The following CYFIP2 variants were observed in gnomAD, a reference collection of about 807,000 sequenced individuals.
CYFIP2 encodes cytoplasmic FMR1-interacting protein 2.
Under a neutral mutation model 158.7 loss-of-function variants are expected in CYFIP2, and 29 were observed. The observed-to-expected ratio is 0.18, with a 90% CI of 0.14 to 0.25. The LOEUF (loss-of-function observed/expected upper bound fraction) is 0.25. CYFIP2 is among the 10% of genes least tolerant of loss of function. CYFIP2 has a pLI of 1.00. For missense variants in CYFIP2, 852 were observed against 1,639.5 expected, an observed-to-expected ratio of 0.52 and a Z score of 8.29; for synonymous variants, 585 against 617.6, an observed-to-expected ratio of 0.95 and a Z score of 0.78.
At position 157,382,626 on chromosome 5, in the gene CYFIP2, C is replaced by G. The variant is rs1766241208; in HGVS notation, c.3076C>G (p.Pro1026Ala). Residue 1026 changes from proline (P) to alanine (A), a missense_variant, in exon 27 of 31, where the codon CCC (proline) becomes GCC (alanine). This residue lies in a region of CYFIP2 where 223 missense variants were observed against 381.6 expected (regional missense o/e 0.58). Transcript: ENST00000620254. ...EEVCDLLHAA[P>A]FQNILPRVYI... ...GGTCTGCGATTTGCTCCATGCCGCA[C>G]CCTTCCAAAACATCTTGCCTAGAGT... 6.2e-7 allele frequency: 1 copy of G among 1,613,906 alleles called. No homozygotes were observed. Among genetic ancestry groups the G allele is most frequent in the Non-Finnish European group, 8.5e-7 (1 of 1,179,896 alleles).
chr5:157,385,964 T>C (rs1766640688), intron 28 of CYFIP2, among the ~76,000 whole-genome samples: 1 of 151,906 alleles, frequency 6.6e-6, no homozygotes, highest in Non-Finnish European at 1.5e-5. Flanking sequence ...CCTCCCTACA[T>C]AACACCAAAC....
At chr5:157,319,565 A>G (rs1360904730) in intron 13 of CYFIP2, among the ~76,000 whole-genome samples, 197 bp from the exon 14 acceptor site, 3 of 152,268 alleles carry the variant, frequency 2.0e-5, no homozygotes, top group African/African-American at 4.8e-5. Flanking sequence ...GACTTTCTCA[A>G]TGAATGAAGC....
At chr5:157,280,331 G>A (rs1012315194) in intron 1 of CYFIP2, among the ~76,000 whole-genome samples, 2 of 151,112 alleles carry the variant, frequency 1.3e-5, no homozygotes, top group African/African-American at 4.9e-5. Context: ...TGAGTAGCTG[G>A]GATTACAGGC....
chr5:157,334,070 G>A (rs1434921751), intron 21 of CYFIP2, among the ~76,000 whole-genome samples: 1 of 152,202 alleles, frequency 6.6e-6, no homozygotes, highest in East Asian at 1.9e-4. Context: ...GCCTTCAAAA[G>A]CGAATGAACA....
chr5:157,362,424 A>G (rs967945978), intron 26 of CYFIP2, among the ~76,000 whole-genome samples: 1 of 152,192 alleles, frequency 6.6e-6, no homozygotes, highest in African/African-American at 2.4e-5. Flanking sequence ...ACATCCCATG[A>G]TTCTAGCTTC....
chr5:157,280,097 T>C (rs147866566), intron 1 of CYFIP2, among the ~76,000 whole-genome samples: 96 of 152,348 alleles, frequency 6.3e-4, no homozygotes, highest in Middle Eastern at 3.4e-3. Flanking sequence ...TTTATTTGCT[T>C]TGTAGGTTGT....
intron 1 of CYFIP2, among the ~76,000 whole-genome samples, chr5:157,274,786 T>C (rs62383004): frequency 0.1 from 15,315 of 152,232 alleles, 1,042 homozygotes; most frequent in East Asian, 0.24. Flanking sequence ...GTGGTATCGA[T>C]TTGCATTTCC....
At chr5:157,305,979 T>G (rs1252580786) in intron 8 of CYFIP2, among the ~76,000 whole-genome samples, 3 of 152,244 alleles carry the variant, frequency 2.0e-5, no homozygotes, top group African/African-American at 7.2e-5. Context: ...TAAGCCTTCC[T>G]TAGCCATTAT....
Position 157,319,833 on chromosome 5 carries a change from G to T in CYFIP2, c.1428G>T (p.Arg476Ser), listed in dbSNP as rs1322132941. 1 of 1,613,984 alleles carries T rather than the reference G, an allele frequency of 6.2e-7. No homozygotes were observed. Among genetic ancestry groups the T allele is most frequent in the Admixed American group, 1.7e-5 (1 of 60,000 alleles). The change falls in exon 14 of 31, where the codon AGG (arginine) becomes AGT (serine). Residue 476 changes from arginine to serine, a missense_variant. Transcript: ENST00000620254. Reference sequence around the variant, plus strand: ...AGAGCGTCTTCAACCAGGCCATCAGGAACACCATCTACGCGGCATTGCAGG... The same window carrying T: ...AGAGCGTCTTCAACCAGGCCATCAGTAACACCATCTACGCGGCATTGCAGG... ...RMESVFNQAI[R>S]NTIYAALQDF...
At chr5:157,381,703 C>T (rs940861971) in intron 26 of CYFIP2, among the ~76,000 whole-genome samples, 1 of 152,194 alleles carries the variant, frequency 6.6e-6, no homozygotes, top group Non-Finnish European at 1.5e-5. Flanking sequence ...TCTTGAACAG[C>T]TGGCCTTTCA....
rs956163727 is a variant in CYFIP2 at position 157,386,856 on chromosome 5, G to T, written c.3208-2333G>T. On this transcript the variant is annotated intron_variant, in intron 28 of 30. Transcript: ENST00000620254. Reference sequence around the variant, plus strand: ...AATGGCTCGAACCCGGGAGGTGGAGGTTGCAGTAAGCCGAGATTGCGCCAC... The same window carrying T: ...AATGGCTCGAACCCGGGAGGTGGAGTTTGCAGTAAGCCGAGATTGCGCCAC... Among the ~76,000 whole-genome samples, 5 of 151,362 alleles carry T rather than the reference G, an allele frequency of 3.3e-5. No homozygotes were observed. In the East Asian group the frequency reaches 7.8e-4, roughly 24 times the overall value.
At chr5:157,327,574 A>G (rs1397680885) in intron 18 of CYFIP2, among the ~76,000 whole-genome samples, 1 of 149,278 alleles carries the variant, frequency 6.7e-6, no homozygotes, top group Non-Finnish European at 1.5e-5. Flanking sequence ...CAAAAAAAAA[A>G]AAAATTGCAA....
intron 1 of CYFIP2, among the ~76,000 whole-genome samples, chr5:157,272,130 G>A (rs1756151317): frequency 6.6e-6 from 1 of 152,216 alleles, no homozygotes; most frequent in African/African-American, 2.4e-5. Flanking sequence ...AAGTCCTTTA[G>A]CCCCCACCAA....
rs1760954788 is a variant in CYFIP2, at chr5:157,325,516, C to T, written c.1860C>T (p.Leu620=). 1 of 1,613,516 alleles carries T rather than the reference C, an allele frequency of 6.2e-7. No homozygotes were observed. The highest frequency in any genetic ancestry group is 8.5e-7 in the Non-Finnish European group (1 of 1,179,688). ...AGCAGTGTTGTGACCTCTCCCAGCT[C>T]TGGTTCCGAGAATTCTTCCTGGAGT... ...ALQQCCDLSQ[L]WFREFFLELT... is the part of the protein sequence containing the mutation. Residue 620 remains leucine, a synonymous_variant, in exon 17 of 31, where the codon CTC becomes CTT. Transcript: ENST00000620254.
At chr5:157,312,322 A>G (rs1020539430) in intron 11 of CYFIP2, among the ~76,000 whole-genome samples, 34 of 152,010 alleles carry the variant, frequency 2.2e-4, no homozygotes, top group African/African-American at 7.7e-4. Context: ...TTCCTTTTTT[A>G]AAAACTTTTT....
At chr5:157,362,201 T>G (rs10053959) in intron 26 of CYFIP2, among the ~76,000 whole-genome samples, 71,408 of 152,002 alleles carry the variant, frequency 0.47, 18,513 homozygotes, top group African/African-American at 0.71. Flanking sequence ...AAAAGAATGT[T>G]AGCTCCAGCT....
chr5:157,298,008 T>G lies in CYFIP2; in HGVS notation c.387+1234T>G, dbSNP rs554062700. Among the ~76,000 whole-genome samples the G allele has an allele frequency of 4.6e-5, 7 of 152,334 alleles. No homozygotes were observed. The South Asian group carries it at 1.5e-3, about 32-fold the overall frequency. On this transcript the variant is annotated intron_variant, in intron 5 of 30. Coordinates refer to ENST00000620254, the MANE Select transcript of CYFIP2 (RefSeq NM_001037333.3). Reference sequence around the variant, plus strand: ...TCTGGCAGGAGAAAGTGTGACTTAGTCTGGTCTTTGAAGGAAAGGACTGAC... The same window carrying G: ...TCTGGCAGGAGAAAGTGTGACTTAGGCTGGTCTTTGAAGGAAAGGACTGAC...
At chr5:157,368,331 T>A (rs925098722) in intron 26 of CYFIP2, among the ~76,000 whole-genome samples, 6 of 152,082 alleles carry the variant, frequency 3.9e-5, no homozygotes, top group African/African-American at 1.4e-4. Flanking sequence ...TTCAAATGCA[T>A]GGAAAGTCAA....
chr5:157,282,994 C>T (rs536007881), intron 1 of CYFIP2, among the ~76,000 whole-genome samples: 1 of 152,258 alleles, frequency 6.6e-6, no homozygotes, highest in East Asian at 1.9e-4. Flanking sequence ...TTGAAAACAC[C>T]TAGCGTAGAG....
Sources: gnomAD v4.1 joint callset for allele counts (sites outside exome capture counted in the v4.1 genomes callset) on GRCh38, gnomAD v4.1.1 for gene constraint, gnomAD v4.1.1 regional missense constraint, MANE v1.5 for transcripts, NCBI Gene and HGNC (gene_info 2026-07-23, HGNC 2026-07-21) for gene names.